The following ANKS1B variants were observed in gnomAD, a reference collection of about 807,000 sequenced individuals.
ANKS1B encodes ankyrin repeat and sterile alpha motif domain-containing protein 1B.
ANKS1B carries 36 observed loss-of-function variants against 148.3 expected under a neutral mutation model. The observed-to-expected ratio is 0.24, with a 90% CI of 0.19 to 0.32. ANKS1B has a LOEUF of 0.32. Ranked by LOEUF, ANKS1B falls within the 10% of genes least tolerant of loss-of-function variation. The probability of loss-of-function intolerance (pLI) is 1.00; values close to 1 mark genes in which losing one functional copy is unlikely to be tolerated. For synonymous variants in ANKS1B, 542 were observed against 560.8 expected, an observed-to-expected ratio of 0.97 and a Z score of 0.47; for missense variants, 1,157 against 1,542.6, an observed-to-expected ratio of 0.75 and a Z score of 4.19.
chr12:99,899,296 T>TA (rs1286180370), intron 1 of ANKS1B, among the ~76,000 whole-genome samples: 1 of 152,196 alleles, frequency 6.6e-6, no homozygotes, highest in Non-Finnish European at 1.5e-5. Context: ...TCTGTCAAGT[T>TA]AAAACACTAA....
chr12:99,019,009 A>C (rs907379043), intron 17 of ANKS1B, among the ~76,000 whole-genome samples: 4 of 152,240 alleles, frequency 2.6e-5, no homozygotes, highest in African/African-American at 7.2e-5. Flanking sequence ...AAGTGTTGAC[A>C]AAACTTGACT....
At chr12:98,892,246 CAT>C in intron 17 of ANKS1B, among the ~76,000 whole-genome samples, 1 of 152,326 alleles carries the variant, frequency 6.6e-6, no homozygotes, top group Admixed American at 6.5e-5. Flanking sequence ...ATTTTGAGAA[CAT>C]GTCTGCCTTT....
intron 8 of ANKS1B, among the ~76,000 whole-genome samples, chr12:99,679,303 T>C (rs891240047): frequency 5.3e-5 from 8 of 152,174 alleles, no homozygotes; most frequent in Non-Finnish European, 1.0e-4. Flanking sequence ...TTTTGAACTC[T>C]AAAGTTTTGT....
intron 17 of ANKS1B, among the ~76,000 whole-genome samples, chr12:99,043,353 A>G (rs1331607099): frequency 6.6e-6 from 1 of 152,248 alleles, no homozygotes. Flanking sequence ...GAATATCTAC[A>G]AAAATAAAAC....
chr12:99,287,429 A>G (rs2079289910), intron 12 of ANKS1B, among the ~76,000 whole-genome samples: 1 of 152,180 alleles, frequency 6.6e-6, no homozygotes, highest in South Asian at 2.1e-4. Context: ...AAGCCTTCCC[A>G]AGAAGGATGG....
rs192167911 is a variant in ANKS1B, at chr12:99,381,415, C to T, written c.1756+18216G>A. Among the ~76,000 whole-genome samples, 234 of 152,260 alleles carry T rather than the reference C, an allele frequency of 1.5e-3. 1 individual carries two copies. The highest frequency in any genetic ancestry group is 3.4e-3 in the Middle Eastern group (1 of 294). On this transcript the variant is annotated intron_variant, in intron 12 of 26. Transcript: ENST00000683438. ...TAAGTGGCTAAGATCATCCAACGCA[C>T]TGTGTAGAATGAGACAAGAATTCCA...
At chr12:99,319,149 C>A (rs761215463) in intron 12 of ANKS1B, among the ~76,000 whole-genome samples, 4 of 152,034 alleles carry the variant, frequency 2.6e-5, no homozygotes, top group African/African-American at 9.7e-5. Flanking sequence ...TGTATATTCT[C>A]TTGATTTGGG....
At chr12:98,943,802 G>T (rs2099840776) in intron 17 of ANKS1B, among the ~76,000 whole-genome samples, 1 of 152,160 alleles carries the variant, frequency 6.6e-6, no homozygotes, top group Non-Finnish European at 1.5e-5. Context: ...CTGGGGAGTG[G>T]GATGTAGACA....
chr12:98,898,755 T>C (rs1314524619), intron 17 of ANKS1B, among the ~76,000 whole-genome samples: 2 of 152,212 alleles, frequency 1.3e-5, no homozygotes, highest in Non-Finnish European at 2.9e-5. Flanking sequence ...CTAAATCTTA[T>C]AATATTCTAG....
At chr12:99,467,824 T>C (rs933191378) in intron 10 of ANKS1B, among the ~76,000 whole-genome samples, 2 of 152,210 alleles carry the variant, frequency 1.3e-5, no homozygotes, top group East Asian at 1.9e-4. Flanking sequence ...TCCATGCTCA[T>C]GGGTAGGAAG....
chr12:99,524,101 G>T (rs2096903261), intron 9 of ANKS1B, among the ~76,000 whole-genome samples: 1 of 152,140 alleles, frequency 6.6e-6, no homozygotes, highest in African/African-American at 2.4e-5. Context: ...GTAGGTGAAA[G>T]TTTTTGGAAG....
At chr12:99,296,852 A>T (rs1409293735) in intron 12 of ANKS1B, among the ~76,000 whole-genome samples, 1 of 152,296 alleles carries the variant, frequency 6.6e-6, no homozygotes, top group East Asian at 1.9e-4. Context: ...AATATATAAT[A>T]TTAACTAGAA....
chr12:99,901,083 A>G (rs1006411778), intron 1 of ANKS1B, among the ~76,000 whole-genome samples: 1 of 152,228 alleles, frequency 6.6e-6, no homozygotes, highest in Non-Finnish European at 1.5e-5. Context: ...CTAGATAAAA[A>G]TCACGAGTTA....
intron 12 of ANKS1B, among the ~76,000 whole-genome samples, chr12:99,255,764 A>G (rs2075183070): frequency 6.6e-6 from 1 of 152,168 alleles, no homozygotes; most frequent in African/African-American, 2.4e-5. Flanking sequence ...TCATAAATAT[A>G]TGGGGATATA....
chr12:99,593,275 A>T (rs947187306), intron 9 of ANKS1B, among the ~76,000 whole-genome samples: 7 of 152,042 alleles, frequency 4.6e-5, no homozygotes, highest in African/African-American at 1.7e-4. Flanking sequence ...TTTGGTTTAC[A>T]GTCCTCATGA....
At chr12:98,830,410 C>A (rs1340370098) in intron 18 of ANKS1B, among the ~76,000 whole-genome samples, 1 of 152,118 alleles carries the variant, frequency 6.6e-6, no homozygotes. Context: ...GTAGTCCCTA[C>A]CCATCCCACT....
chr12:99,368,466 A>G (rs115789655), intron 12 of ANKS1B, among the ~76,000 whole-genome samples: 2,651 of 152,226 alleles, frequency 0.017, 82 homozygotes, highest in African/African-American at 0.06. Context: ...ATATGCTAGG[A>G]TAAAACAAAC....
intron 17 of ANKS1B, among the ~76,000 whole-genome samples, chr12:98,937,995 G>A (rs899237887): frequency 6.6e-6 from 1 of 152,058 alleles, no homozygotes; most frequent in African/African-American, 2.4e-5. Flanking sequence ...GGGGGAAACT[G>A]CCCCCATGAT....
At chr12:99,959,054 CTT>C (rs149006911) in intron 1 of ANKS1B, among the ~76,000 whole-genome samples, 36,244 of 120,252 alleles carry the variant, frequency 0.3, 4,968 homozygotes, top group African/African-American at 0.48. Context: ...AAAGAACATG[CTT>C]TTTTTTTTTT....
Sources: allele counts gnomAD v4.1 joint callset (sites outside exome capture counted in the v4.1 genomes callset), GRCh38; gene constraint gnomAD v4.1.1; transcripts MANE v1.5; gene names NCBI Gene and HGNC (gene_info 2026-07-23, HGNC 2026-07-21).